Variants in BLTP2 observed in about 807,000 individuals in gnomAD.
The protein encoded by BLTP2 is bridge-like lipid transfer protein family member 2.
At chr17:28,633,306 AT>A in the BLTP2 span, 3 of 1,613,806 alleles carry the variant, frequency 1.9e-6, no homozygotes, top group Non-Finnish European at 2.5e-6. Context: ...TCACGTTGAT[AT>A]CCAAGTCACC....
chr17:28,631,974 G>C, the BLTP2 span: 15 of 1,608,048 alleles, frequency 9.3e-6, no homozygotes, highest in Non-Finnish European at 1.3e-5. Context: ...GGATGATTAA[G>C]GGACTCAATA....
the BLTP2 span, chr17:28,642,415 G>A: frequency 9.0e-7 from 1 of 1,116,688 alleles, no homozygotes; most frequent in East Asian, 2.4e-5. Context: ...ACTTTGGGAG[G>A]CCAAGGTGGG....
chr17:28,632,794 C>T, the BLTP2 span: 5 of 533,582 alleles, frequency 9.4e-6, no homozygotes, highest in Admixed American at 3.4e-5. Context: ...TTTCCCCTGC[C>T]AAAAAACAAA....
At chr17:28,614,946 C>T in the BLTP2 span, 9 of 899,964 alleles carry the variant, frequency 1.0e-5, no homozygotes, top group Non-Finnish European at 1.7e-6. Context: ...AAGAGTGATG[C>T]CTATGGGCTC....
the BLTP2 span, chr17:28,644,082 C>G: frequency 6.2e-7 from 1 of 1,614,236 alleles, no homozygotes; most frequent in Non-Finnish European, 8.5e-7. Context: ...GTTGCTGAAA[C>G]TTAAGACTGA....
At chr17:28,614,859 G>T in the BLTP2 span, 1 of 522,614 alleles carries the variant, frequency 1.9e-6, no homozygotes, top group Non-Finnish European at 3.4e-6. Context: ...TGCCTCTCTG[G>T]CCCTGAGCCT....
At chr17:28,630,082 TG>T in the BLTP2 span, among the ~76,000 whole-genome samples, 1 of 152,242 alleles carries the variant, frequency 6.6e-6, no homozygotes, top group Non-Finnish European at 1.5e-5. Context: ...CAGGCTGGTC[TG>T]GAACTCTTGA....
the BLTP2 span, chr17:28,635,652 C>T: frequency 1.9e-6 from 3 of 1,560,840 alleles, no homozygotes; most frequent in Non-Finnish European, 2.6e-6. Context: ...TACCATGTCA[C>T]AAAACAGTAG....
the BLTP2 span, chr17:28,640,077 TCTTTTA>T: frequency 2.8e-5 from 44 of 1,594,000 alleles, no homozygotes; most frequent in African/African-American, 5.4e-5. Context: ...CATTCCTACT[TCTTTTA>T]CTTTTATTTT....
At chr17:28,642,556 C>T in the BLTP2 span, 1 of 577,090 alleles carries the variant, frequency 1.7e-6, no homozygotes, top group Admixed American at 3.0e-5. Context: ...GAGGCTGAGG[C>T]AGGAGAATGG....
chr17:28,616,200 A>G, the BLTP2 span: 2 of 1,613,192 alleles, frequency 1.2e-6, no homozygotes, highest in African/African-American at 2.7e-5. The surrounding 1 kb of genome is among the most constrained non-coding windows in gnomAD (Gnocchi z 4.8). Context: ...ACAGGGTGCT[A>G]AGAAAGGCAG....
At chr17:28,616,406 G>A in the BLTP2 span, 1 of 1,614,122 alleles carries the variant, frequency 6.2e-7, no homozygotes, top group East Asian at 2.2e-5. The surrounding 1 kb of genome is among the most constrained non-coding windows in gnomAD (Gnocchi z 4.8). Context: ...ATGACCTTCT[G>A]ACCCCAGAAC....
At chr17:28,639,217 A>C in the BLTP2 span, 58 of 1,277,078 alleles carry the variant, frequency 4.5e-5, no homozygotes, top group East Asian at 1.1e-3. Context: ...AGGAGGTCAA[A>C]CAACCAAATA....
At chr17:28,641,866 A>C in the BLTP2 span, 1 of 1,580,310 alleles carries the variant, frequency 6.3e-7, no homozygotes, top group South Asian at 1.1e-5. Context: ...GGCAGCCAAG[A>C]AGCTCAATCA....
chr17:28,624,001 A>AG, the BLTP2 span: 1 of 1,592,108 alleles, frequency 6.3e-7, no homozygotes. Flanking sequence ...TAAGCTACCA[A>AG]GGACGATGAG....
chr17:28,644,294 T>G, the BLTP2 span: 1 of 1,154,656 alleles, frequency 8.7e-7, no homozygotes, highest in East Asian at 2.4e-5. Flanking sequence ...TGAAACTGGA[T>G]CTGAGCAACT....
At chr17:28,639,847 G>A in the BLTP2 span, 1 of 1,605,296 alleles carries the variant, frequency 6.2e-7, no homozygotes, top group Non-Finnish European at 8.5e-7. Context: ...CATGAGCAAA[G>A]AGAGTATCTA....
the BLTP2 span, among the ~76,000 whole-genome samples, chr17:28,629,540 C>T: frequency 2.1e-3 from 324 of 152,246 alleles, 1 homozygote; most frequent in African/African-American, 7.5e-3. Context: ...GGCAATGGTG[C>T]GATCTCAGCT....
chr17:28,635,285 C>A, the BLTP2 span: 1 of 1,614,198 alleles, frequency 6.2e-7, no homozygotes, highest in South Asian at 1.1e-5. Flanking sequence ...GGACAGTATG[C>A]CTGCAGGGAA....
Sources: gnomAD v4.1 joint callset for allele counts (sites outside exome capture counted in the v4.1 genomes callset) on GRCh38, gnomAD v4.1.1 for gene constraint, Gnocchi (gnomAD v3.1) non-coding constraint, MANE v1.5 for transcripts, NCBI Gene and HGNC (gene_info 2026-07-23, HGNC 2026-07-21) for gene names.